RARB: variants seen among roughly 807,000 people sequenced by gnomAD.
RARB encodes the protein HBV-activated protein.
Under a neutral mutation model 51.9 loss-of-function variants are expected in RARB, and 17 were observed. That is an observed-to-expected ratio of 0.33 (90% CI 0.22 to 0.49). The LOEUF is 0.49. RARB is among the 20% of genes least tolerant of loss of function. The pLI is 0.99. For missense variants in RARB, 369 were observed against 550.8 expected (o/e 0.67, Z 3.30); for synonymous variants, 215 against 195.4 (o/e 1.10, Z -0.84).
chr3:25,457,160 TA>T (rs1694960826), intron 1 of RARB, among the ~76,000 whole-genome samples: 1 of 152,172 alleles, frequency 6.6e-6, no homozygotes, highest in Admixed American at 6.5e-5. Context: ...AGATCTGGGA[TA>T]CAACTTGGTC....
intron 1 of RARB, among the ~76,000 whole-genome samples, chr3:25,440,279 C>T (rs1012821959): frequency 2.0e-5 from 3 of 151,718 alleles, no homozygotes; most frequent in Admixed American, 2.0e-4. Flanking sequence ...CGGCAGAACC[C>T]TGTCTCTACA....
intron 5 of RARB, among the ~76,000 whole-genome samples, chr3:25,230,615 A>G (rs1038801793): frequency 6.6e-6 from 1 of 152,022 alleles, no homozygotes; most frequent in Non-Finnish European, 1.5e-5. Context: ...AGGCATTCTT[A>G]TAGGCATTAT....
intron 5 of RARB, among the ~76,000 whole-genome samples, chr3:25,405,297 T>C (rs1707376437): frequency 6.6e-6 from 1 of 152,160 alleles, no homozygotes; most frequent in Non-Finnish European, 1.5e-5. Flanking sequence ...GGAAGGAGGA[T>C]TGCTTGAGGC....
At chr3:25,571,271 A>C (rs576981755) in intron 4 of RARB, among the ~76,000 whole-genome samples, 2 of 152,348 alleles carry the variant, frequency 1.3e-5, no homozygotes, top group South Asian at 4.1e-4. Flanking sequence ...CGTGCATCTG[A>C]AGCACCTGGT....
At chr3:25,083,885 G>T (rs1699056804) in intron 3 of RARB, among the ~76,000 whole-genome samples, 1 of 152,106 alleles carries the variant, frequency 6.6e-6, no homozygotes, top group Non-Finnish European at 1.5e-5. Context: ...TACTCTTTAA[G>T]ATATGGCCTT....
chr3:25,166,739 C>G (rs573390707), intron 4 of RARB, among the ~76,000 whole-genome samples: 1 of 152,224 alleles, frequency 6.6e-6, no homozygotes, highest in Non-Finnish European at 1.5e-5. Context: ...CAGTGTAAAA[C>G]TAACACTTCT....
chr3:25,217,084 C>A (rs1430730097), intron 5 of RARB, among the ~76,000 whole-genome samples: 2 of 152,160 alleles, frequency 1.3e-5, no homozygotes, highest in African/African-American at 4.8e-5. Context: ...GCCATTGATT[C>A]TCAATCCTTC....
chr3:25,537,340 T>G (rs1699182409), intron 3 of RARB, among the ~76,000 whole-genome samples: 1 of 152,230 alleles, frequency 6.6e-6, no homozygotes, highest in Non-Finnish European at 1.5e-5. Context: ...CTGTATATAG[T>G]TCTTCCCCTG....
In RARB at chr3:25,215,729, A is replaced by G. The variant is rs149154087; in HGVS notation, c.178+41154A>G. On this transcript the variant is annotated intron_variant, in intron 5 of 11. Transcript: ENST00000383772. ...TTCCTCTGGCCTTCTGTCTATGGAA[A>G]GGAAACTCGGAATGAAGGGAGTCAT... Among the ~76,000 whole-genome samples the G allele has an allele frequency of 2.2e-4, 33 of 152,308 alleles. 1 individual carries two copies. In the East Asian group the frequency reaches 6.2e-3, roughly 29 times the overall value.
chr3:25,222,042 C>T (rs947551118), intron 5 of RARB, among the ~76,000 whole-genome samples: 13 of 152,184 alleles, frequency 8.5e-5, no homozygotes, highest in African/African-American at 2.7e-4. Context: ...GTAATCGGAA[C>T]GAGCTATCAC....
At chr3:25,068,479 G>A (rs1445680022) in intron 3 of RARB, among the ~76,000 whole-genome samples, 9 of 152,070 alleles carry the variant, frequency 5.9e-5, no homozygotes. Context: ...TAATATTGAG[G>A]AATAGATAAA....
At chr3:24,958,255 GTTTTTTTTTTTTTTTTTTTTTTTTTT>G (rs71057692) in intron 2 of RARB, among the ~76,000 whole-genome samples, 1 of 69,444 alleles carries the variant, frequency 1.4e-5, no homozygotes, top group Non-Finnish European at 3.0e-5. Context: ...AGCTGCTCAG[GTTTTTTTTTTTTTTTTTTTTTTTTTT>G]TTTTTTTTAG....
At chr3:25,164,389 G>A (rs1055929622) in intron 4 of RARB, among the ~76,000 whole-genome samples, 1 of 152,198 alleles carries the variant, frequency 6.6e-6, no homozygotes, top group Non-Finnish European at 1.5e-5. Context: ...TGCTGAGCAA[G>A]CATGGGCAAC....
chr3:25,062,232 GAA>G (rs1030759558), intron 3 of RARB, among the ~76,000 whole-genome samples: 6 of 151,602 alleles, frequency 4.0e-5, no homozygotes, highest in Non-Finnish European at 7.4e-5. Context: ...TAAAGAAAAT[GAA>G]AAAAGTGTTC....
At chr3:25,354,935 A>G (rs969422369) in intron 5 of RARB, among the ~76,000 whole-genome samples, 2 of 151,398 alleles carry the variant, frequency 1.3e-5, no homozygotes, top group African/African-American at 2.4e-5. Context: ...CACAGAAACC[A>G]TGAAACCATG....
chr3:24,982,720 T>G (rs1285249333), intron 2 of RARB, among the ~76,000 whole-genome samples: 2 of 152,234 alleles, frequency 1.3e-5, no homozygotes, highest in Non-Finnish European at 2.9e-5. Context: ...CAACTTCTCC[T>G]CTGTCAGTGG....
intron 3 of RARB, among the ~76,000 whole-genome samples, chr3:25,115,570 C>G (rs1699671388): frequency 6.6e-6 from 1 of 151,818 alleles, no homozygotes; most frequent in African/African-American, 2.4e-5. Flanking sequence ...CCCCTCCCCT[C>G]CTCTCCTTTC....
chr3:24,866,562 A>G (rs2125346006), intron 2 of RARB, among the ~76,000 whole-genome samples: 1 of 152,294 alleles, frequency 6.6e-6, no homozygotes, highest in African/African-American at 2.4e-5. Context: ...TGACCAAACC[A>G]GAATCAGCAA....
chr3:25,083,489 G>C (rs1182318219), intron 3 of RARB, among the ~76,000 whole-genome samples: 1 of 151,570 alleles, frequency 6.6e-6, no homozygotes, highest in Non-Finnish European at 1.5e-5. Flanking sequence ...TTTTCATTTG[G>C]CTCTCTTATA....
Sources: allele counts gnomAD v4.1 joint callset (sites outside exome capture counted in the v4.1 genomes callset), GRCh38; gene constraint gnomAD v4.1.1; transcripts MANE v1.5; gene names NCBI Gene and HGNC (gene_info 2026-07-23, HGNC 2026-07-21).